The following ZBTB16 variants were observed in gnomAD, a reference collection of about 807,000 sequenced individuals.
ZBTB16 encodes zinc finger and BTB domain-containing protein 16.
In ZBTB16, 8 loss-of-function variants were observed where a neutral mutation model predicts 56.8. The ratio of observed to expected loss-of-function variants is 0.14; its 90% CI spans 0.08 to 0.25. The LOEUF (loss-of-function observed/expected upper bound fraction) is 0.25. Ranked by LOEUF, ZBTB16 falls within the 10% of genes least tolerant of loss-of-function variation. The probability of loss-of-function intolerance (pLI) is 1.00; values close to 1 mark genes in which losing one functional copy is unlikely to be tolerated. For synonymous variants in ZBTB16, 363 were observed against 368.5 expected (o/e 0.98, Z 0.17); for missense variants, 625 against 903.0 (o/e 0.69, Z 3.95).
chr11:114,202,881 G>A (rs563841770), intron 4 of ZBTB16, among the ~76,000 whole-genome samples: 1 of 152,292 alleles, frequency 6.6e-6, no homozygotes, highest in East Asian at 1.9e-4. Flanking sequence ...TAACTGTCCT[G>A]TGCTCTTTTT....
At chr11:114,114,161 A>G (rs984434129) in intron 2 of ZBTB16, among the ~76,000 whole-genome samples, 1 of 152,254 alleles carries the variant, frequency 6.6e-6, no homozygotes, top group Non-Finnish European at 1.5e-5. Context: ...TCTAGTTGAC[A>G]ATGATTTCTG....
chr11:114,105,542 A>G (rs929747380), intron 2 of ZBTB16, among the ~76,000 whole-genome samples: 9 of 152,200 alleles, frequency 5.9e-5, no homozygotes, highest in Non-Finnish European at 1.2e-4. Context: ...GCCCGACCCA[A>G]TTCTCTTGAG....
At chr11:114,084,741 C>G (rs188813013) in intron 2 of ZBTB16, among the ~76,000 whole-genome samples, 2 of 152,160 alleles carry the variant, frequency 1.3e-5, no homozygotes, top group South Asian at 2.1e-4. Context: ...TGGGAGGAGG[C>G]CTTATTGCTC....
rs373656983 is a variant in ZBTB16, at chr11:114,250,580, G to C, written c.*25G>C. The C allele has an allele frequency of 7.5e-6, 12 of 1,610,488 alleles. No homozygotes were observed. Among genetic ancestry groups the C allele is most frequent in the African/African-American group, 2.7e-5 (2 of 74,762 alleles). The stretch of plus-strand genomic sequence containing the variant: ...AAGGGAGGCCCGCGGCGGTGGAGCC[G>C]AGCGGGGAGCCAGGAAAGAAGAGTT... On this transcript the variant is annotated 3_prime_UTR_variant, in exon 7 of 7. Transcript: ENST00000335953. This position sits in a 1 kb window ranked among gnomAD's most constrained non-coding sequence, Gnocchi z 6.0.
At chr11:114,180,998 C>T (rs1005585791) in intron 3 of ZBTB16, 8 of 152,192 alleles carry the variant, frequency 5.3e-5, no homozygotes, top group African/African-American at 1.9e-4. Context: ...TTTTTCTGCT[C>T]CCCTCAACAA....
At chr11:114,218,105 CACCCT>C (rs202183939) in intron 4 of ZBTB16, among the ~76,000 whole-genome samples, 39,943 of 152,002 alleles carry the variant, frequency 0.26, 6,078 homozygotes, top group South Asian at 0.38. Context: ...ATTGCAGATC[CACCCT>C]CTTGCTTCCA....
At chr11:114,069,001 G>A (rs978650179) in intron 2 of ZBTB16, among the ~76,000 whole-genome samples, 2 of 152,138 alleles carry the variant, frequency 1.3e-5, no homozygotes, top group African/African-American at 2.4e-5. Flanking sequence ...GGCACAATGG[G>A]GTCTGGTTTC....
At chr11:114,091,091 C>T (rs1390728720) in intron 2 of ZBTB16, among the ~76,000 whole-genome samples, 5 of 152,178 alleles carry the variant, frequency 3.3e-5, no homozygotes, top group South Asian at 2.1e-4. Flanking sequence ...CAGCTGGGTG[C>T]GGTGGGAGGC....
intron 3 of ZBTB16, among the ~76,000 whole-genome samples, chr11:114,156,665 A>T (rs1418165777): frequency 1.3e-5 from 2 of 152,184 alleles, no homozygotes; most frequent in African/African-American, 4.8e-5. Flanking sequence ...CCCAGGCATC[A>T]GTGGCAACCA....
intron 4 of ZBTB16, among the ~76,000 whole-genome samples, chr11:114,191,307 TATA>T: frequency 6.6e-6 from 1 of 152,328 alleles, no homozygotes; most frequent in South Asian, 2.1e-4. Flanking sequence ...CTCATAAGAT[TATA>T]ATACCGTATT....
At chr11:114,177,377 A>AG (rs1274880462) in intron 3 of ZBTB16, among the ~76,000 whole-genome samples, 1 of 152,064 alleles carries the variant, frequency 6.6e-6, no homozygotes, top group African/African-American at 2.4e-5. Context: ...CAGGCTCCCG[A>AG]GTAGCTGGGA....
At chr11:114,229,009 G>A (rs1368033922) in intron 4 of ZBTB16, among the ~76,000 whole-genome samples, 2 of 152,074 alleles carry the variant, frequency 1.3e-5, no homozygotes, top group African/African-American at 2.4e-5. Flanking sequence ...CTGCAGAGTC[G>A]GGGTGAGTAA....
intron 2 of ZBTB16, among the ~76,000 whole-genome samples, chr11:114,087,144 G>A (rs1939983829): frequency 1.3e-5 from 2 of 152,146 alleles, no homozygotes; most frequent in South Asian, 4.1e-4. Context: ...AATGCTGGTA[G>A]TTTCTCTTCT....
intron 5 of ZBTB16, among the ~76,000 whole-genome samples, chr11:114,246,182 A>T (rs937541620): frequency 6.6e-6 from 1 of 152,202 alleles, no homozygotes; most frequent in African/African-American, 2.4e-5. Flanking sequence ...CCTGTGCGAT[A>T]CACTGAGGCT....
intron 2 of ZBTB16, among the ~76,000 whole-genome samples, chr11:114,108,934 C>A (rs971751426): frequency 3.3e-5 from 5 of 152,182 alleles, no homozygotes; most frequent in Non-Finnish European, 5.9e-5. Context: ...GTAAGGGTAC[C>A]CAGCCAGTCC....
At chr11:114,148,361 C>CTTCT (rs1942169054) in intron 2 of ZBTB16, among the ~76,000 whole-genome samples, 1 of 141,386 alleles carries the variant, frequency 7.1e-6, no homozygotes, top group Non-Finnish European at 1.6e-5. Flanking sequence ...TCCTTCCTTC[C>CTTCT]TTCCTTCCTT....
intron 4 of ZBTB16, among the ~76,000 whole-genome samples, chr11:114,200,049 A>G (rs1591775095): frequency 6.6e-6 from 1 of 150,946 alleles, no homozygotes; most frequent in African/African-American, 2.4e-5. Flanking sequence ...AATGGTGTGA[A>G]CCCGGGAGGC....
intron 2 of ZBTB16, among the ~76,000 whole-genome samples, chr11:114,124,569 AAAAC>A (rs1283886334): frequency 1.7e-5 from 2 of 120,158 alleles, no homozygotes; most frequent in African/African-American, 6.4e-5. Flanking sequence ...AAAAAAAAAA[AAAAC>A]AAAAACAAAA....
In ZBTB16 at chr11:114,233,236, G is replaced by A. The variant is rs543967417; in HGVS notation, c.1454-8931G>A. On this transcript the variant is annotated intron_variant, in intron 4 of 6. Coordinates refer to ENST00000335953, the MANE Select transcript of ZBTB16 (RefSeq NM_006006.6). ...CAGCCACTGGACTGGAAACCAAGAA[G>A]AAGGAGCTGCTGGGGCAGGTGGGAG... is the stretch of plus-strand genomic sequence containing the variant. Among the ~76,000 whole-genome samples the A allele has an allele frequency of 7.2e-4, 109 of 152,086 alleles. 1 individual carries two copies. Among genetic ancestry groups the A allele is most frequent in the African/African-American group, 2.6e-3 (106 of 41,484 alleles).
Sources: gnomAD v4.1 joint callset for allele counts (sites outside exome capture counted in the v4.1 genomes callset) on GRCh38, gnomAD v4.1.1 for gene constraint, Gnocchi (gnomAD v3.1) non-coding constraint, MANE v1.5 for transcripts, NCBI Gene and HGNC (gene_info 2026-07-23, HGNC 2026-07-21) for gene names.